The following ARHGAP17 variants were observed in gnomAD, a reference collection of about 807,000 sequenced individuals.
The protein encoded by ARHGAP17 is rho GTPase-activating protein 17.
A neutral mutation model predicts 99.5 loss-of-function variants in ARHGAP17; 57 were observed. The ratio of observed to expected loss-of-function variants is 0.57; its 90% confidence interval spans 0.46 to 0.71. ARHGAP17 has a LOEUF of 0.71. Ranked by LOEUF, ARHGAP17 falls within the 30% of genes least tolerant of loss-of-function variation. ARHGAP17 has a pLI of 0.00. For synonymous variants in ARHGAP17, 417 were observed against 429.6 expected (o/e 0.97, Z 0.36); for missense variants, 1,000 against 1,122.4 (o/e 0.89, Z 1.56).
At chr16:24,997,189 T>C (rs976132658) in intron 1 of ARHGAP17, among the ~76,000 whole-genome samples, 1 of 151,678 alleles carries the variant, frequency 6.6e-6, no homozygotes, top group Admixed American at 6.6e-5. Context: ...CATTAGCACA[T>C]GGACTGGTGC....
chr16:24,986,733 C>T (rs190980303), intron 1 of ARHGAP17, among the ~76,000 whole-genome samples: 21 of 152,358 alleles, frequency 1.4e-4, no homozygotes, highest in African/African-American at 5.0e-4. Flanking sequence ...ATTAGTAACT[C>T]TTGCAGGATG....
chr16:25,005,760 T>G (rs1383529434), intron 1 of ARHGAP17, among the ~76,000 whole-genome samples: 1 of 152,204 alleles, frequency 6.6e-6, no homozygotes, highest in African/African-American at 2.4e-5. Context: ...ATTTTGAACT[T>G]AGTGGAAAAA....
At chr16:24,986,902 C>G (rs1247933392) in intron 1 of ARHGAP17, among the ~76,000 whole-genome samples, 1 of 152,188 alleles carries the variant, frequency 6.6e-6, no homozygotes, top group African/African-American at 2.4e-5. Flanking sequence ...AGTCCAAATG[C>G]GGAGGCACAG....
chr16:24,958,288 C>G (rs1371020583), intron 9 of ARHGAP17, among the ~76,000 whole-genome samples: 1 of 150,718 alleles, frequency 6.6e-6, no homozygotes, highest in Non-Finnish European at 1.5e-5. Flanking sequence ...CTCGTTTTTC[C>G]TCTTGTTAAT....
chr16:24,962,103 GA>G (rs201751985), intron 7 of ARHGAP17, among the ~76,000 whole-genome samples: 2,798 of 151,168 alleles, frequency 0.019, 97 homozygotes, highest in African/African-American at 0.065. Flanking sequence ...TAATAACTGG[GA>G]AAGCAATAAA....
chr16:25,007,661 C>T (rs529303790), intron 1 of ARHGAP17, among the ~76,000 whole-genome samples: 4 of 152,180 alleles, frequency 2.6e-5, no homozygotes, highest in South Asian at 2.1e-4. Context: ...CCACTGCACC[C>T]GGCTCACTGA....
intron 6 of ARHGAP17, among the ~76,000 whole-genome samples, chr16:24,965,806 T>C (rs2052162048): frequency 6.6e-6 from 1 of 152,192 alleles, no homozygotes; most frequent in Non-Finnish European, 1.5e-5. Flanking sequence ...GGAACTGTCA[T>C]AAGGAGGAAA....
intron 1 of ARHGAP17, among the ~76,000 whole-genome samples, chr16:25,001,838 C>T (rs1378293052): frequency 1.3e-5 from 2 of 152,042 alleles, no homozygotes; most frequent in African/African-American, 2.4e-5. Flanking sequence ...AATCCCAGCA[C>T]TTTGGGAGAC....
At chr16:24,961,913 A>AGGAAT in intron 7 of ARHGAP17, among the ~76,000 whole-genome samples, 1 of 113,972 alleles carries the variant, frequency 8.8e-6, no homozygotes. Flanking sequence ...TAGGAATTTT[A>AGGAAT]TATATATATA....
At chr16:24,968,450 T>G (rs1201625335) in intron 5 of ARHGAP17, 23 bp from the exon 6 acceptor site, 1 of 1,613,104 alleles carries the variant, frequency 6.2e-7, no homozygotes, top group East Asian at 2.2e-5. Flanking sequence ...ACATACCAAA[T>G]GGGATGCACT....
At chr16:24,947,369 T>A (rs942197739) in intron 14 of ARHGAP17, 113 bp downstream of exon 14, 1 of 984,544 alleles carries the variant, frequency 1.0e-6, no homozygotes, top group Non-Finnish European at 1.5e-6. Context: ...AAAACCAACT[T>A]CAGAATACCT....
intron 1 of ARHGAP17, among the ~76,000 whole-genome samples, chr16:24,980,974 G>C (rs1359144728): frequency 1.3e-5 from 2 of 152,154 alleles, no homozygotes; most frequent in Admixed American, 1.3e-4. Flanking sequence ...CTGAGAATCA[G>C]AACAAATATG....
chr16:24,947,052 TG>T (rs1382706531), intron 14 of ARHGAP17, among the ~76,000 whole-genome samples: 1 of 152,240 alleles, frequency 6.6e-6, no homozygotes, highest in East Asian at 1.9e-4. Flanking sequence ...ATGGCTTCTC[TG>T]CTGGGCATTA....
At chr16:25,014,611 C>G (rs2141565395) in intron 1 of ARHGAP17, among the ~76,000 whole-genome samples, 1 of 152,376 alleles carries the variant, frequency 6.6e-6, no homozygotes, top group Admixed American at 6.5e-5. Flanking sequence ...CAGTCCAGTT[C>G]CTAGGAGCCC....
rs1172093604 is a variant in ARHGAP17 at position 24,930,768 on chromosome 16, T to C, written c.2515+16A>G. 12 of 1,614,196 alleles carry C rather than the reference T, an allele frequency of 7.4e-6. No individual in the cohort carries two copies. Among genetic ancestry groups the C allele is most frequent in the East Asian group, 2.2e-5 (1 of 44,892 alleles). On this transcript the variant is annotated intron_variant, in intron 19 of 19. Transcript: ENST00000289968. Reference sequence around the variant, plus strand: ...TAGAGCAGACGAGGAAATACGGGCATTGATGTCCTACTTACCTGTTACTAT... The same window carrying C: ...TAGAGCAGACGAGGAAATACGGGCACTGATGTCCTACTTACCTGTTACTAT...
chr16:24,966,676 C>T (rs1010496111), intron 6 of ARHGAP17, among the ~76,000 whole-genome samples: 3 of 151,654 alleles, frequency 2.0e-5, no homozygotes, highest in African/African-American at 4.8e-5. Flanking sequence ...TGCAGCTACT[C>T]GAGAGGCTGA....
intron 7 of ARHGAP17, among the ~76,000 whole-genome samples, chr16:24,962,102 G>A (rs1279918720): frequency 4.7e-5 from 7 of 149,888 alleles, no homozygotes; most frequent in African/African-American, 7.5e-5. Context: ...ATAATAACTG[G>A]GAAAGCAATA....
At chr16:24,981,736 G>A (rs1181775862) in intron 1 of ARHGAP17, among the ~76,000 whole-genome samples, 2 of 152,064 alleles carry the variant, frequency 1.3e-5, no homozygotes, top group Non-Finnish European at 2.9e-5. Context: ...TTTAAAAATA[G>A]CATGTTACTT....
At chr16:24,978,894 G>A (rs2052594731) in intron 2 of ARHGAP17, 72 bp downstream of exon 2, 3 of 1,005,686 alleles carry the variant, frequency 3.0e-6, no homozygotes, top group East Asian at 2.9e-5. Flanking sequence ...AAGCCCACAG[G>A]CCTCAATTCT....
Sources: gnomAD v4.1 joint callset for allele counts (sites outside exome capture counted in the v4.1 genomes callset) on GRCh38, gnomAD v4.1.1 for gene constraint, MANE v1.5 for transcripts, NCBI Gene and HGNC (gene_info 2026-07-23, HGNC 2026-07-21) for gene names.